Variants in ACSS3 observed in about 807,000 individuals in gnomAD.
ACSS3 encodes the protein acyl-CoA synthetase short chain family member 3, also known as acyl-CoA synthetase short-chain family member 3, mitochondrial.
Under a neutral mutation model 84.2 loss-of-function variants are expected in ACSS3, and 64 were observed. That is an observed-to-expected ratio of 0.76 (90% CI 0.62 to 0.94). ACSS3 has a LOEUF of 0.94. ACSS3 is among the 40% of genes least tolerant of loss of function. ACSS3 has a pLI of 0.00. For missense variants in ACSS3, 815 were observed against 867.6 expected (o/e 0.94, Z 0.76); for synonymous variants, 317 against 310.1 (o/e 1.02, Z -0.23).
At chr12:81,191,809 A>C (rs1432129880) in intron 8 of ACSS3, among the ~76,000 whole-genome samples, 1 of 152,002 alleles carries the variant, frequency 6.6e-6, no homozygotes, top group African/African-American at 2.4e-5. Flanking sequence ...TCACAGTTGC[A>C]GTTAGATGAT....
In ACSS3 at chr12:81,196,157, T is replaced by A. The variant is rs145072369; in HGVS notation, c.1251-3184T>A. On this transcript the variant is annotated intron_variant, in intron 8 of 15. Transcript: ENST00000548058. ...ATTAGCATAATGATTTGAGCAGGAA[T>A]TGAGTATGTAATATTAAATTAAAAT... 2.1e-3 allele frequency among the ~76,000 whole-genome samples: 320 copies of A among 152,268 alleles called. 1 individual carries two copies. The highest frequency in any genetic ancestry group is 7.0e-3 in the African/African-American group (291 of 41,544).
chr12:81,156,878 G>A (rs1370114703), intron 7 of ACSS3, among the ~76,000 whole-genome samples: 2 of 152,118 alleles, frequency 1.3e-5, no homozygotes, highest in Non-Finnish European at 1.5e-5. Context: ...TAGAAGAGGA[G>A]GCAGGTGGCT....
At chr12:81,143,039 A>G (rs1886165838) in intron 4 of ACSS3, 68 bp from the exon 5 acceptor site, 1 of 1,381,092 alleles carries the variant, frequency 7.2e-7, no homozygotes, top group Admixed American at 2.2e-5. Context: ...AAATAGATTT[A>G]GCTACTTTTT....
intron 1 of ACSS3, among the ~76,000 whole-genome samples, chr12:81,106,248 G>A (rs1286207588): frequency 6.6e-6 from 1 of 152,056 alleles, no homozygotes; most frequent in African/African-American, 2.4e-5. Flanking sequence ...ATCAGGGGTG[G>A]CATTAGATTC....
intron 8 of ACSS3, among the ~76,000 whole-genome samples, chr12:81,196,764 G>A (rs1170486212): frequency 3.3e-5 from 5 of 152,166 alleles, no homozygotes; most frequent in East Asian, 1.9e-4. Flanking sequence ...CTCACATAGC[G>A]AGAGAGGAAG....
intron 11 of ACSS3, among the ~76,000 whole-genome samples, chr12:81,227,865 GT>G (rs2033322494): frequency 6.6e-6 from 1 of 151,622 alleles, no homozygotes; most frequent in Non-Finnish European, 1.5e-5. Flanking sequence ...CATTCTTTTA[GT>G]TTTATCTCTT....
At chr12:81,206,245 A>G (rs1446145646) in intron 9 of ACSS3, among the ~76,000 whole-genome samples, 1 of 152,132 alleles carries the variant, frequency 6.6e-6, no homozygotes, top group Non-Finnish European at 1.5e-5. Context: ...TCTTTAAAGT[A>G]CATGTCTGTG....
chr12:81,201,344 G>T (rs534808192), intron 9 of ACSS3, among the ~76,000 whole-genome samples: 61 of 152,308 alleles, frequency 4.0e-4, no homozygotes, highest in Non-Finnish European at 7.8e-4. Flanking sequence ...CGACACAAAC[G>T]CTTGCAGAAA....
intron 5 of ACSS3, among the ~76,000 whole-genome samples, chr12:81,146,222 T>C (rs754727790): frequency 3.9e-5 from 6 of 152,186 alleles, no homozygotes; most frequent in Non-Finnish European, 7.3e-5. Flanking sequence ...GAATATTTGT[T>C]GAATGATCTC....
At chr12:81,224,130 CT>C (rs2033196393) in intron 11 of ACSS3, among the ~76,000 whole-genome samples, 1 of 151,948 alleles carries the variant, frequency 6.6e-6, no homozygotes, top group African/African-American at 2.4e-5. Context: ...CTCTTTCACT[CT>C]GCTTGGCAGA....
At chr12:81,141,245 G>C (rs1230499852) in intron 4 of ACSS3, among the ~76,000 whole-genome samples, 1 of 152,126 alleles carries the variant, frequency 6.6e-6, no homozygotes, top group Non-Finnish European at 1.5e-5. Context: ...TATAGATGAG[G>C]GCTGTAGAAA....
At chr12:81,136,877 T>C (rs1435968) in intron 3 of ACSS3, among the ~76,000 whole-genome samples, 53,446 of 151,670 alleles carry the variant, frequency 0.35, 11,909 homozygotes, top group Non-Finnish European at 0.5. Context: ...TGTGAAACAG[T>C]GGGCAATATG....
intron 4 of ACSS3, among the ~76,000 whole-genome samples, 157 bp downstream of exon 4, chr12:81,139,422 C>T (rs1016318997): frequency 4.0e-5 from 6 of 151,788 alleles, no homozygotes; most frequent in African/African-American, 1.2e-4. Flanking sequence ...GACTTACTGA[C>T]TTCATGAAAA....
chr12:81,152,067 C>T lies in ACSS3; in HGVS notation c.1069C>T (p.Leu357Phe), dbSNP rs750005466. 6.2e-7 allele frequency: 1 copy of T among 1,613,086 alleles called. No homozygotes were observed. Among genetic ancestry groups the T allele is most frequent in the Non-Finnish European group, 8.5e-7 (1 of 1,179,622 alleles). The part of the protein sequence containing the change: ...GHSYICYGPL[L>F]HGNTTVLYEG... The stretch of plus-strand genomic sequence containing the variant: ...TTCCTATATCTGCTATGGACCTCTT[C>T]TTCATGGGAACACAACAGTTTTATA... Residue 357 changes from leucine to phenylalanine, a missense_variant, in exon 7 of 16, where the codon CTT becomes TTT. Transcript: ENST00000548058.
chr12:81,178,907 T>C (rs1014972616), intron 8 of ACSS3, among the ~76,000 whole-genome samples: 2 of 152,148 alleles, frequency 1.3e-5, no homozygotes, highest in African/African-American at 4.8e-5. Context: ...ATTACAAGGC[T>C]ACATTAACTA....
intron 9 of ACSS3, among the ~76,000 whole-genome samples, chr12:81,207,370 G>T (rs2032391572): frequency 6.6e-6 from 1 of 152,102 alleles, no homozygotes; most frequent in Non-Finnish European, 1.5e-5. Flanking sequence ...TCTCCTTGGA[G>T]AAACAATGTG....
intron 1 of ACSS3, among the ~76,000 whole-genome samples, chr12:81,097,000 C>T (rs1007574607): frequency 6.6e-6 from 1 of 152,182 alleles, no homozygotes; most frequent in Non-Finnish European, 1.5e-5. Flanking sequence ...AAATCAGTTT[C>T]TCAGTTGCAT....
At chr12:81,230,719 T>A (rs2033428482) in intron 11 of ACSS3, among the ~76,000 whole-genome samples, 1 of 151,918 alleles carries the variant, frequency 6.6e-6, no homozygotes, top group African/African-American at 2.4e-5. Flanking sequence ...AATAGTTTTC[T>A]AAGAAAGTAA....
chr12:81,214,720 C>T (rs1440797718), intron 9 of ACSS3, among the ~76,000 whole-genome samples: 1 of 152,134 alleles, frequency 6.6e-6, no homozygotes, highest in Non-Finnish European at 1.5e-5. Context: ...TCCTACATCC[C>T]CCTTCTCCCA....
Sources: allele counts gnomAD v4.1 joint callset (sites outside exome capture counted in the v4.1 genomes callset), GRCh38; gene constraint gnomAD v4.1.1; transcripts MANE v1.5; gene names NCBI Gene and HGNC (gene_info 2026-07-23, HGNC 2026-07-21).